The following UHMK1 variants were observed in gnomAD, a reference collection of about 807,000 sequenced individuals.
UHMK1 encodes serine/threonine-protein kinase Kist.
In UHMK1, 18 loss-of-function variants were observed where a neutral mutation model predicts 44.0. That is an observed-to-expected ratio of 0.41 (90% CI 0.28 to 0.61). UHMK1 has a LOEUF of 0.61. Among genes scored for constraint, UHMK1 ranks in the 20% least tolerant of loss-of-function variants. UHMK1 has a pLI of 0.31. For missense variants in UHMK1, 463 were observed against 522.5 expected, an observed-to-expected ratio of 0.89 and a Z score of 1.11; for synonymous variants, 231 against 198.5, an observed-to-expected ratio of 1.16 and a Z score of -1.38.
intron 3 of UHMK1, among the ~76,000 whole-genome samples, chr1:162,502,943 A>G (rs908279610): frequency 1.1e-4 from 13 of 119,498 alleles, no homozygotes; most frequent in African/African-American, 3.4e-4. Flanking sequence ...ACTGATAATG[A>G]TAGTATCTGT....
At chr1:162,514,308 G>A (rs1471334322) in intron 6 of UHMK1, among the ~76,000 whole-genome samples, 1 of 151,610 alleles carries the variant, frequency 6.6e-6, no homozygotes, top group Non-Finnish European at 1.5e-5. Flanking sequence ...AAAAAAGAGG[G>A]TAGACTGAGT....
At chr1:162,504,515 C>T (rs1272947228) in intron 4 of UHMK1, among the ~76,000 whole-genome samples, 1 of 152,068 alleles carries the variant, frequency 6.6e-6, no homozygotes, top group Non-Finnish European at 1.5e-5. Context: ...GTTACTGTAC[C>T]AAATACTATA....
At chr1:162,517,327 CAAATG>C (rs1651866694) in intron 6 of UHMK1, among the ~76,000 whole-genome samples, 1 of 151,946 alleles carries the variant, frequency 6.6e-6, no homozygotes, top group South Asian at 2.1e-4. Context: ...AAGAAATACA[CAAATG>C]AAATGAGATA....
chr1:162,524,356 T>A lies in UHMK1; in HGVS notation c.*1806T>A, dbSNP rs1448505770. On this transcript the variant is annotated 3_prime_UTR_variant, in exon 8 of 8. Transcript: ENST00000489294. ...GGCTGATTTATGAATTACCAAAGGG[T>A]CTTGTGGCATGTTCCCCAATACATG... is the stretch of plus-strand genomic sequence containing the variant. The A allele has an allele frequency of 2.0e-5, 3 of 152,208 alleles. No individual in the cohort carries two copies. The highest frequency in any genetic ancestry group is 7.2e-5 in the African/African-American group (3 of 41,458). 9.4% of individuals were successfully genotyped at this position (152,208 alleles called of 1,614,324 possible). A position where few individuals can be genotyped will look rare whatever the true frequency, so the allele number is the denominator to read the frequency against.
At chr1:162,504,362 C>T (rs1651392446) in intron 4 of UHMK1, among the ~76,000 whole-genome samples, 9 of 152,116 alleles carry the variant, frequency 5.9e-5, no homozygotes. Flanking sequence ...CAGTAGGGAT[C>T]TGTTGTGAGA....
intron 3 of UHMK1, among the ~76,000 whole-genome samples, chr1:162,502,520 C>G (rs528647066): frequency 6.6e-6 from 1 of 152,104 alleles, no homozygotes; most frequent in Admixed American, 6.6e-5. Context: ...AGACATAGAT[C>G]AGTTATTTGA....
chr1:162,498,082 C>T lies in UHMK1; in HGVS notation c.82C>T (p.Arg28Cys). The T allele has an allele frequency of 1.2e-6, 2 of 1,611,874 alleles. No homozygotes were observed. Among genetic ancestry groups the T allele is most frequent in the Non-Finnish European group, 8.5e-7 (1 of 1,179,674 alleles). ...AFGRLWQVQS[R>C]LGSGSSASVY... Reference sequence around the variant, plus strand: ...CGGGCGGCTGTGGCAGGTACAGAGCCGTCTGGGTAGCGGCTCCTCCGCCTC... The same window carrying T: ...CGGGCGGCTGTGGCAGGTACAGAGCTGTCTGGGTAGCGGCTCCTCCGCCTC... The change falls in exon 1 of 8, where the codon CGT becomes TGT. Residue 28 changes from arginine (R) to cysteine (C), a missense_variant. Coordinates refer to ENST00000489294, the MANE Select transcript of UHMK1 (RefSeq NM_175866.5).
chr1:162,518,316 G>T, intron 7 of UHMK1, 126 bp downstream of exon 7: 2 of 608,380 alleles, frequency 3.3e-6, no homozygotes, highest in Admixed American at 3.0e-5. Context: ...GCATTTTAAT[G>T]ATTTTTATAT....
chr1:162,518,542 C>T lies in UHMK1; in HGVS notation c.1113+352C>T, dbSNP rs575552075. Among the ~76,000 whole-genome samples, 12 of 151,604 alleles carry T rather than the reference C, an allele frequency of 7.9e-5. No homozygotes were observed. In the East Asian group the frequency reaches 2.1e-3, roughly 27 times the overall value. ...ACTGAAAATACAAAAGTTAGCCAGG[C>T]GTGGTGGCACATGCCTGTAATCCCA... On this transcript the variant is annotated intron_variant, in intron 7 of 7. Transcript: ENST00000489294.
At chr1:162,506,636 T>A (rs1308622386) in intron 4 of UHMK1, among the ~76,000 whole-genome samples, 2 of 152,192 alleles carry the variant, frequency 1.3e-5, no homozygotes, top group African/African-American at 4.8e-5. Flanking sequence ...ACTCAGTAAT[T>A]GCCTTTTCAT....
intron 4 of UHMK1, among the ~76,000 whole-genome samples, chr1:162,511,660 A>G (rs559279351): frequency 6.6e-6 from 1 of 152,144 alleles, no homozygotes; most frequent in Non-Finnish European, 1.5e-5. Flanking sequence ...GTTATATTCA[A>G]AAATTCAGTG....
At chr1:162,514,668 G>A (rs1651777685) in intron 6 of UHMK1, among the ~76,000 whole-genome samples, 1 of 152,204 alleles carries the variant, frequency 6.6e-6, no homozygotes, top group African/African-American at 2.4e-5. Flanking sequence ...CAGTGACTAA[G>A]TGGATATGAG....
intron 6 of UHMK1, among the ~76,000 whole-genome samples, chr1:162,514,271 A>G (rs954236332): frequency 1.3e-5 from 2 of 151,690 alleles, no homozygotes; most frequent in Admixed American, 1.3e-4. Flanking sequence ...CCTGGGCAAC[A>G]GAGTGAGACC....
chr1:162,510,257 A>G (rs984983405), intron 4 of UHMK1, among the ~76,000 whole-genome samples: 3 of 152,332 alleles, frequency 2.0e-5, no homozygotes, highest in Non-Finnish European at 2.9e-5. Flanking sequence ...CAAGAATCCA[A>G]TATATCATCA....
Position 162,518,130 on chromosome 1 carries a change from T to C in UHMK1, c.1053T>C (p.Cys351=), listed in dbSNP as rs1006351581. 1.9e-6 allele frequency: 3 copies of C among 1,613,048 alleles called. No individual in the cohort carries two copies. In the African/African-American group the frequency reaches 4.0e-5, roughly 22 times the overall value. Residue 351 remains cysteine, a synonymous_variant, in exon 7 of 8, where the codon TGT becomes TGC. Coordinates refer to ENST00000489294, the MANE Select transcript of UHMK1 (RefSeq NM_175866.5). ...TTGTAGAAGATGTAAAAGAGGAGTG[T>C]CAAAAATATGGACCAGTGGTATCTC... ...EDVVEDVKEE[C]QKYGPVVSLL...
At position 162,528,922 on chromosome 1, in the gene UHMK1, AAT is replaced by A. The variant is rs1464459867; in HGVS notation, c.*6373_*6374del. 1 of 152,100 alleles carries A rather than the reference AAT, an allele frequency of 6.6e-6. No homozygotes were observed. The highest frequency in any genetic ancestry group is 1.5e-5 in the Non-Finnish European group (1 of 67,978). 9.4% of individuals were successfully genotyped at this position (152,100 alleles called of 1,614,324 possible). Reference sequence around the variant, plus strand: ...AATCTAAGTATGATCAATAAATTTTAATGGTTGATGGCATCCTGTGTCAGCTG... The same window carrying A: ...AATCTAAGTATGATCAATAAATTTTAGGTTGATGGCATCCTGTGTCAGCTG... On this transcript the variant is annotated 3_prime_UTR_variant, in exon 8 of 8. Coordinates refer to ENST00000489294, the MANE Select transcript of UHMK1 (RefSeq NM_175866.5).
intron 2 of UHMK1, chr1:162,500,615 T>G (rs1651234462): frequency 4.8e-6 from 2 of 412,488 alleles, no homozygotes; most frequent in Non-Finnish European, 8.6e-6. Flanking sequence ...TTCTGCCAAA[T>G]CCTCTTTTCT....
In UHMK1 at chr1:162,527,666, T is replaced by G. The variant is rs1442481940; in HGVS notation, c.*5116T>G. ...TGAAATTCATGGGAAACTTACCAAA[T>G]GACTGCTTGAGTGTTATTTCCCATT... On this transcript the variant is annotated 3_prime_UTR_variant, in exon 8 of 8. Coordinates refer to ENST00000489294, the MANE Select transcript of UHMK1 (RefSeq NM_175866.5). The G allele has an allele frequency of 5.9e-5, 9 of 152,120 alleles. No individual in the cohort carries two copies. The East Asian group carries it at 1.7e-3, about 29-fold the overall frequency. 9.4% of individuals were successfully genotyped at this position (152,120 alleles called of 1,614,324 possible).
Position 162,501,099 on chromosome 1 carries a change from T to C in UHMK1, c.748T>C (p.Trp250Arg). The C allele has an allele frequency of 4.3e-6, 7 of 1,613,856 alleles. No individual in the cohort carries two copies. The highest frequency in any genetic ancestry group is 5.9e-6 in the Non-Finnish European group (7 of 1,179,926). ...KLKHTVRSQE[W>R]KANSSAIIDH... is the part of the protein sequence containing the mutation. ...GAAACATACAGTCAGATCTCAGGAATGGAAGGTAAACTTCACCAGTGCTTT... is the reference window on the plus strand; with the variant it reads ...GAAACATACAGTCAGATCTCAGGAACGGAAGGTAAACTTCACCAGTGCTTT... The change falls in exon 3 of 8, where the codon TGG (tryptophan) becomes CGG (arginine). Residue 250 changes from tryptophan to arginine, a missense_variant. By Grantham distance (101) the Trp-to-Arg change is moderately radical. This residue lies in a region of UHMK1 where 264 missense variants were observed against 326.3 expected (regional missense o/e 0.81). Transcript: ENST00000489294.
Sources: gnomAD v4.1 joint callset for allele counts (sites outside exome capture counted in the v4.1 genomes callset) on GRCh38, gnomAD v4.1.1 for gene constraint, gnomAD v4.1.1 regional missense constraint, MANE v1.5 for transcripts, NCBI Gene and HGNC (gene_info 2026-07-23, HGNC 2026-07-21) for gene names.